CLCNKA: variants seen among roughly 807,000 people sequenced by gnomAD.
CLCNKA encodes the protein chloride channel protein ClC-Ka.
In CLCNKA, 66 loss-of-function variants were observed where a neutral mutation model predicts 83.3. That is an observed-to-expected ratio of 0.79 (90% CI 0.65 to 0.97). The LOEUF (loss-of-function observed/expected upper bound fraction) is 0.97, where lower values mean the gene tolerates loss of function less well. Among genes scored for constraint, CLCNKA ranks in the 50% least tolerant of loss-of-function variants. The probability of loss-of-function intolerance (pLI) is 0.00; values close to 1 mark genes in which losing one functional copy is unlikely to be tolerated. For synonymous variants in CLCNKA, 357 were observed against 370.4 expected (o/e 0.96, Z 0.42); for missense variants, 806 against 888.7 (o/e 0.91, Z 1.18).
At position 16,023,979 on chromosome 1, in the gene CLCNKA, C is replaced by T. The variant is rs770441325; in HGVS notation, c.229+51C>T. On this transcript the variant is annotated intron_variant, in intron 3 of 19. Coordinates refer to ENST00000331433, the MANE Select transcript of CLCNKA (RefSeq NM_004070.4). The stretch of plus-strand genomic sequence containing the variant: ...TCTGGGCCAAGGGATTCTAGGCACG[C>T]TCTGGGGATACCAGATGGGCCACCA... The T allele has an allele frequency of 7.5e-6, 12 of 1,610,466 alleles. No individual in the cohort carries two copies. The South Asian group carries it at 1.3e-4, about 18-fold the overall frequency.
Position 16,029,152 on chromosome 1 carries a change from G to C in CLCNKA, c.1080G>C (p.Ser360=), listed in dbSNP as rs757463972. ...SRLSMKQHLD[S]LFDNHSWALM... is the part of the protein sequence containing the mutation. ...TGTCCATGAAGCAGCATCTGGACTC[G>C]CTGTTCGACAACCACTCCTGGGCGC... The change falls in exon 12 of 20, where the codon TCG becomes TCC. Residue 360 remains serine (S), a synonymous_variant. Transcript: ENST00000331433. 5.0e-6 allele frequency: 8 copies of C among 1,612,046 alleles called. No homozygotes were observed. Among genetic ancestry groups the C allele is most frequent in the Non-Finnish European group, 6.8e-6 (8 of 1,179,830 alleles).
intron 18 of CLCNKA, 37 bp downstream of exon 18, chr1:16,032,563 CG>C (rs760867486): frequency 7.1e-5 from 106 of 1,489,474 alleles, no homozygotes; most frequent in South Asian, 9.0e-5. Context: ...ACGCAGCCCC[CG>C]GGGCAGGGCA....
intron 19 of CLCNKA, 72 bp downstream of exon 19, chr1:16,033,328 G>C (rs973363302): frequency 4.6e-5 from 69 of 1,506,694 alleles, no homozygotes; most frequent in Non-Finnish European, 5.5e-5. Flanking sequence ...GGGGAGGTGG[G>C]GGGACACCAG....
chr1:16,027,526 C>G (rs916381499), intron 8 of CLCNKA, 91 bp downstream of exon 8: 2 of 1,567,412 alleles, frequency 1.3e-6, no homozygotes, highest in African/African-American at 2.7e-5. Context: ...TCTTGCTCTT[C>G]CCTTCCCTCT....
intron 4 of CLCNKA, among the ~76,000 whole-genome samples, chr1:16,025,636 G>A (rs1483391122): frequency 6.6e-6 from 1 of 152,008 alleles, no homozygotes; most frequent in African/African-American, 2.4e-5. Flanking sequence ...ATAATGAGCC[G>A]AGATCGAACC....
At chr1:16,029,653 G>C in intron 12 of CLCNKA, 78 bp from the exon 13 acceptor site, 1 of 1,554,178 alleles carries the variant, frequency 6.4e-7, no homozygotes, top group Non-Finnish European at 8.9e-7. Flanking sequence ...ACACTCCCCT[G>C]TCCCCTGTCC....
At chr1:16,032,128 G>A in intron 16 of CLCNKA, 75 bp from the exon 17 acceptor site, 2 of 1,420,414 alleles carry the variant, frequency 1.4e-6, no homozygotes, top group East Asian at 2.3e-5. Flanking sequence ...ACACCACCAA[G>A]GTCTTCCGGA....
chr1:16,031,622 T>A, intron 15 of CLCNKA, 88 bp from the exon 16 acceptor site: 2 of 1,594,300 alleles, frequency 1.3e-6, no homozygotes, highest in Middle Eastern at 1.7e-4. Context: ...GGGTCCCTGG[T>A]TCAAGCAAAG....
At chr1:16,032,663 C>T (rs572365287) in intron 18 of CLCNKA, 137 bp downstream of exon 18, 2 of 722,468 alleles carry the variant, frequency 2.8e-6, no homozygotes, top group East Asian at 2.6e-5. Context: ...TGGGCCTGGA[C>T]AGGGCAGCTC....
intron 3 of CLCNKA, 49 bp downstream of exon 3, chr1:16,023,977 C>T (rs758176567): frequency 5.0e-6 from 8 of 1,611,042 alleles, no homozygotes; most frequent in East Asian, 2.2e-5. Context: ...ATTCTAGGCA[C>T]GCTCTGGGGA....
intron 17 of CLCNKA, 40 bp downstream of exon 17, chr1:16,032,331 G>T (rs1177750894): frequency 6.7e-7 from 1 of 1,492,704 alleles, no homozygotes; most frequent in Non-Finnish European, 9.3e-7. Flanking sequence ...GGCGGGGGTG[G>T]GTCAGCAGGG....
In CLCNKA at chr1:16,033,221, C is replaced by G. The variant is rs757979867; in HGVS notation, c.1981C>G (p.Arg661Gly). Residue 661 changes from arginine to glycine, a missense_variant, in exon 19 of 20, where the codon CGG becomes GGG. Transcript: ENST00000331433. ...LNLQSLFVTS[R>G]GRAVGCVSWV... Reference sequence around the variant, plus strand: ...CCTTCAGTCCCTCTTCGTGACATCGCGGGGCAGAGCTGTGGGCTGCGTGTC... The same window carrying G: ...CCTTCAGTCCCTCTTCGTGACATCGGGGGGCAGAGCTGTGGGCTGCGTGTC... 1.2e-6 allele frequency: 2 copies of G among 1,614,026 alleles called. No individual in the cohort carries two copies. Among genetic ancestry groups the G allele is most frequent in the South Asian group, 2.2e-5 (2 of 91,086 alleles).
chr1:16,031,852 C>A lies in CLCNKA; in HGVS notation c.1756+9C>A, dbSNP rs770111698. The stretch of plus-strand genomic sequence containing the variant: ...CCTGGTGGAGAGCACAGGTGCCCAG[C>A]TGGAAGGGAGGAGGAAGTCGGGGGT... On this transcript the variant is annotated intron_variant, in intron 16 of 19. Coordinates refer to ENST00000331433, the MANE Select transcript of CLCNKA (RefSeq NM_004070.4). The A allele has an allele frequency of 1.4e-5, 23 of 1,613,636 alleles. No individual in the cohort carries two copies. Among genetic ancestry groups the A allele is most frequent in the Non-Finnish European group, 1.7e-5 (20 of 1,180,032 alleles).
At chr1:16,026,998 C>T (rs1234970141) in intron 7 of CLCNKA, 3 of 658,544 alleles carry the variant, frequency 4.6e-6, no homozygotes, top group African/African-American at 1.8e-5. Flanking sequence ...TAACATTACA[C>T]AGACTTGGGT....
Position 16,029,256 on chromosome 1 carries a change from G to A in CLCNKA, c.1184G>A (p.Arg395Gln), listed in dbSNP as rs770706446. 28 of 1,613,756 alleles carry A rather than the reference G, an allele frequency of 1.7e-5. No individual in the cohort carries two copies. Among genetic ancestry groups the A allele is most frequent in the East Asian group, 1.1e-4 (5 of 44,880 alleles). ...CTTTGGTGGGAATGGTACCACCCGC[G>A]GTTCACCATCTTTGGGACCCTTGCC... ...QHLWWEWYHPRFTIFGTLAFF... is the reference protein window; with the variant it reads ...QHLWWEWYHPQFTIFGTLAFF... The change falls in exon 12 of 20, where the codon CGG becomes CAG. Residue 395 changes from arginine (R) to glutamine (Q), a missense_variant. Transcript: ENST00000331433.
chr1:16,026,547 G>A lies in CLCNKA; in HGVS notation c.510G>A (p.Val170=). 6.2e-7 allele frequency: 1 copy of A among 1,614,016 alleles called. No individual in the cohort carries two copies. Among genetic ancestry groups the A allele is most frequent in the East Asian group, 2.2e-5 (1 of 44,864 alleles). The change falls in exon 6 of 20, where the codon GTG becomes GTA. Residue 170 remains valine, a synonymous_variant. Transcript: ENST00000331433. ...TLFLGKVGPF[V]HLSVMIAAYL... ...CCTTCCCTCTGCAGGGCCCTTTCGT[G>A]CACCTGTCTGTAATGATCGCTGCCT...
In CLCNKA at chr1:16,024,475, A is replaced by G. The variant is rs552233735; in HGVS notation, c.230-288A>G. ...TAGTCTTTAATGTCTTTAGTCTTCA[A>G]TGAGCCTGTGAGGAAGAGCCAATCA... is the stretch of plus-strand genomic sequence containing the variant. On this transcript the variant is annotated intron_variant, in intron 3 of 19. Coordinates refer to ENST00000331433, the MANE Select transcript of CLCNKA (RefSeq NM_004070.4). Among the ~76,000 whole-genome samples, 10 of 152,376 alleles carry G rather than the reference A, an allele frequency of 6.6e-5. No individual in the cohort carries two copies. The South Asian group carries it at 1.9e-3, about 28-fold the overall frequency.
intron 10 of CLCNKA, 108 bp from the exon 11 acceptor site, chr1:16,028,653 C>A: frequency 7.3e-7 from 1 of 1,366,254 alleles, no homozygotes; most frequent in Non-Finnish European, 1.0e-6. Flanking sequence ...GCCTCGGTAT[C>A]AGCCCCCAGG....
At position 16,026,585 on chromosome 1, in the gene CLCNKA, T is replaced by C; in HGVS notation, c.548T>C (p.Val183Ala). ...ATGATCGCTGCCTACCTGGGCCGTG[T>C]GCGCACCACGACCATCGGGGAGCCT... ...SVMIAAYLGR[V>A]RTTTIGEPEN... The change falls in exon 6 of 20, where the codon GTG becomes GCG. Residue 183 changes from valine to alanine, a missense_variant. Transcript: ENST00000331433. 1 of 1,613,962 alleles carries C rather than the reference T, an allele frequency of 6.2e-7. No homozygotes were observed.
Sources: allele counts gnomAD v4.1 joint callset (sites outside exome capture counted in the v4.1 genomes callset), GRCh38; gene constraint gnomAD v4.1.1; transcripts MANE v1.5; gene names NCBI Gene and HGNC (gene_info 2026-07-23, HGNC 2026-07-21).